The following RAI14 variants were observed in gnomAD, a reference collection of about 807,000 sequenced individuals.
RAI14 encodes ankycorbin.
RAI14 carries 45 observed loss-of-function variants against 115.4 expected under a neutral mutation model. That is an observed-to-expected ratio of 0.39 (90% CI 0.31 to 0.50). The LOEUF (loss-of-function observed/expected upper bound fraction) is 0.50, where lower values mean the gene tolerates loss of function less well. RAI14 is among the 20% of genes least tolerant of loss of function. The pLI is 0.85. For synonymous variants in RAI14, 371 were observed against 415.4 expected (o/e 0.89, Z 1.30); for missense variants, 939 against 1,131.2 (o/e 0.83, Z 2.44).
chr5:34,824,003 G>T lies in RAI14; in HGVS notation c.2161G>T (p.Asp721Tyr). Reference sequence around the variant, plus strand: ...GTTGACCCAGCTCAAACAACTGGTGGATGCACAAAAAGAGAACTCTGTCTC... The same window carrying T: ...GTTGACCCAGCTCAAACAACTGGTGTATGCACAAAAAGAGAACTCTGTCTC... The part of the protein sequence containing the change: ...NELTQLKQLV[D>Y]AQKENSVSIT... Residue 721 changes from aspartate to tyrosine, a missense_variant, in exon 15 of 18, where the codon GAT becomes TAT. Transcript: ENST00000265109. 1 of 1,613,906 alleles carries T rather than the reference G, an allele frequency of 6.2e-7. No homozygotes were observed. The highest frequency in any genetic ancestry group is 1.1e-5 in the South Asian group (1 of 91,008).
intron 3 of RAI14, among the ~76,000 whole-genome samples, chr5:34,786,611 C>T (rs889244079): frequency 3.9e-5 from 6 of 152,178 alleles, no homozygotes; most frequent in South Asian, 2.1e-4. Flanking sequence ...CTGATGCTTC[C>T]GAGCTCCCCT....
chr5:34,660,396 A>G (rs1742601068), intron 1 of RAI14, among the ~76,000 whole-genome samples: 1 of 152,170 alleles, frequency 6.6e-6, no homozygotes, highest in Admixed American at 6.5e-5. Context: ...CCCACCGGCC[A>G]TTGTACTCCA....
At chr5:34,750,161 G>A (rs1746796380) in intron 2 of RAI14, among the ~76,000 whole-genome samples, 1 of 152,024 alleles carries the variant, frequency 6.6e-6, no homozygotes, top group African/African-American at 2.4e-5. Flanking sequence ...ACAAGTAGGG[G>A]GGATTTCCTG....
chr5:34,769,294 C>T lies in RAI14; in HGVS notation c.167+11696C>T, dbSNP rs181093992. On this transcript the variant is annotated intron_variant, in intron 3 of 17. Transcript: ENST00000265109. ...AGCTGCTTTTGAAATCACTGAAAGC[C>T]GGGCAGCCCATCACTTTTCTGCTGA... 2.9e-3 allele frequency among the ~76,000 whole-genome samples: 445 copies of T among 152,220 alleles called. 7 individuals are homozygous for T. The highest frequency in any genetic ancestry group is 2.3e-3 in the Non-Finnish European group (158 of 68,022).
At chr5:34,687,270 C>T (rs1018312857) in intron 2 of RAI14, among the ~76,000 whole-genome samples, 1 of 152,092 alleles carries the variant, frequency 6.6e-6, no homozygotes, top group African/African-American at 2.4e-5. Flanking sequence ...TCTAAAGTTG[C>T]CAGAAATCCT....
chr5:34,684,076 C>T (rs900825024), intron 1 of RAI14, among the ~76,000 whole-genome samples: 1 of 145,136 alleles, frequency 6.9e-6, no homozygotes, highest in African/African-American at 2.9e-5. Flanking sequence ...CTGGCCCAGC[C>T]AGCGACAGTT....
chr5:34,699,730 C>T (rs1739803427), intron 2 of RAI14, among the ~76,000 whole-genome samples: 1 of 152,120 alleles, frequency 6.6e-6, no homozygotes, highest in Non-Finnish European at 1.5e-5. Context: ...GAACTTGCAC[C>T]TGGGAACTCT....
intron 2 of RAI14, among the ~76,000 whole-genome samples, chr5:34,743,467 A>T (rs1745778722): frequency 6.6e-6 from 1 of 152,152 alleles, no homozygotes; most frequent in African/African-American, 2.4e-5. Flanking sequence ...GAATAATTTA[A>T]TCTCTAGAAC....
At chr5:34,818,540 A>G (rs746120024) in intron 12 of RAI14, among the ~76,000 whole-genome samples, 3 of 152,242 alleles carry the variant, frequency 2.0e-5, no homozygotes, top group Non-Finnish European at 4.4e-5. Context: ...TACTCACTAA[A>G]TGAAACTTCT....
At chr5:34,774,622 A>C (rs1442626758) in intron 3 of RAI14, among the ~76,000 whole-genome samples, 2 of 152,158 alleles carry the variant, frequency 1.3e-5, no homozygotes, top group Non-Finnish European at 2.9e-5. Context: ...GAGGACACAC[A>C]CAAAAATGGA....
chr5:34,782,981 G>A (rs182366768), intron 3 of RAI14, among the ~76,000 whole-genome samples: 76 of 152,168 alleles, frequency 5.0e-4, no homozygotes, highest in African/African-American at 1.8e-3. Flanking sequence ...GGTTTTTGAG[G>A]GTAGTATGCC....
At chr5:34,765,154 C>T (rs1302271834) in intron 3 of RAI14, among the ~76,000 whole-genome samples, 8 of 152,170 alleles carry the variant, frequency 5.3e-5, no homozygotes, top group Admixed American at 2.0e-4. Context: ...CTTTTTCTTC[C>T]CAGTCTCAGA....
At chr5:34,824,666 G>A (rs766287995) in intron 15 of RAI14, among the ~76,000 whole-genome samples, 175 bp downstream of exon 15, 3 of 152,144 alleles carry the variant, frequency 2.0e-5, no homozygotes, top group South Asian at 2.1e-4. Context: ...TGGGTCGGCC[G>A]GACGTGGTGG....
chr5:34,767,591 G>GCCCCCCCCCCCCCCCCCCCC (rs1561334151), intron 3 of RAI14, among the ~76,000 whole-genome samples: 7 of 116,750 alleles, frequency 6.0e-5, no homozygotes, highest in African/African-American at 2.0e-4. Context: ...CACCGCCACC[G>GCCCCCCCCCCCCCCCCCCCC]CCCCCACCAC....
At position 34,796,154 on chromosome 5, in the gene RAI14, C is replaced by T. The variant is rs531571991; in HGVS notation, c.256+127C>T. The T allele has an allele frequency of 8.1e-5, 57 of 699,700 alleles. No homozygotes were observed. In the East Asian group the frequency reaches 8.5e-4, roughly 10 times the overall value. 43.3% of individuals were successfully genotyped at this position (699,700 alleles called of 1,614,324 possible). ...CTCATCCTGTAATTACAGCACTCTG[C>T]GAGGGTGAGGTGTGTGGATCACTTG... is the stretch of plus-strand genomic sequence containing the variant. On this transcript the variant is annotated intron_variant, in intron 4 of 17. Coordinates refer to ENST00000265109, the MANE Select transcript of RAI14 (RefSeq NM_015577.3).
chr5:34,757,255 G>A (rs1580153220), intron 2 of RAI14: 2 of 620,020 alleles, frequency 3.2e-6, no homozygotes, highest in East Asian at 3.4e-5. Flanking sequence ...GACTAGCCGT[G>A]ATTTCATTGC....
intron 2 of RAI14, among the ~76,000 whole-genome samples, chr5:34,742,822 C>T (rs1294349572): frequency 1.3e-5 from 2 of 152,134 alleles, no homozygotes; most frequent in Admixed American, 6.5e-5. Context: ...TGCCACCACA[C>T]CTGGCTGATT....
At position 34,822,250 on chromosome 5, in the gene RAI14, G is replaced by GTATGTATATATATATATA. The variant is rs1554012471; in HGVS notation, c.1113+403_1113+404insGTATATATATATATATAT. On this transcript the variant is annotated intron_variant, in intron 14 of 17. Transcript: ENST00000265109. ...TTAAATTATATATGTATGTGTGTAT[G>GTATGTATATATATATATA]TATATATATATATATATATATATAA... is the stretch of plus-strand genomic sequence containing the variant. 2.7e-3 allele frequency among the ~76,000 whole-genome samples: 358 copies of GTATGTATATATATATATA among 134,686 alleles called. 3 individuals carry two copies. The highest frequency in any genetic ancestry group is 8.0e-3 in the African/African-American group (285 of 35,674). 88.4% of individuals were successfully genotyped at this position (134,686 alleles called of 152,430 possible).
At chr5:34,739,510 G>A (rs1032967647) in intron 2 of RAI14, among the ~76,000 whole-genome samples, 1 of 152,184 alleles carries the variant, frequency 6.6e-6, no homozygotes, top group Admixed American at 6.5e-5. Context: ...GAGGTGTCAA[G>A]ATGAAACTGT....
Sources: gnomAD v4.1 joint callset for allele counts (sites outside exome capture counted in the v4.1 genomes callset) on GRCh38, gnomAD v4.1.1 for gene constraint, MANE v1.5 for transcripts, NCBI Gene and HGNC (gene_info 2026-07-23, HGNC 2026-07-21) for gene names.